CHD9: variants seen among roughly 807,000 people sequenced by gnomAD.
CHD9 encodes chromodomain helicase DNA binding protein 9, also known as ATP-dependent chromatin remodeler CHD9.
CHD9 carries 77 observed loss-of-function variants against 316.1 expected under a neutral mutation model. The ratio of observed to expected loss-of-function variants is 0.24; its 90% CI spans 0.20 to 0.29. The LOEUF is 0.29. CHD9 is among the 10% of genes least tolerant of loss of function. The probability of loss-of-function intolerance (pLI) is 1.00; values close to 1 mark genes in which losing one functional copy is unlikely to be tolerated. For missense variants in CHD9, 2,763 were observed against 3,438.1 expected, an observed-to-expected ratio of 0.80 and a Z score of 4.91; for synonymous variants, 1,129 against 1,158.3, an observed-to-expected ratio of 0.97 and a Z score of 0.51.
intron 1 of CHD9, among the ~76,000 whole-genome samples, chr16:53,089,154 C>T (rs1371234865): frequency 4.0e-5 from 6 of 151,152 alleles, no homozygotes; most frequent in Admixed American, 1.3e-4. Context: ...GCCATGGTGG[C>T]GTGCACCTGT....
chr16:53,096,491 A>G (rs1050707535), intron 1 of CHD9, among the ~76,000 whole-genome samples: 2 of 152,098 alleles, frequency 1.3e-5, no homozygotes, highest in Non-Finnish European at 2.9e-5. Context: ...TTATTCTGGA[A>G]ACTCTATAAG....
Position 53,157,243 on chromosome 16 carries a change from C to G in CHD9, c.1154C>G (p.Ser385Cys), listed in dbSNP as rs767274727. ...CATGTAGAAACTAATGGCTTTTCAT[C>G]TTTAGAAGAGAATTTACTTCATCAA... Reference protein sequence around the residue: ...NDHVETNGFSSLEENLLHQVE... With the variant: ...NDHVETNGFSCLEENLLHQVE... The change falls in exon 2 of 39, where the codon TCT (serine) becomes TGT (cysteine). Residue 385 changes from serine (S) to cysteine (C), a missense_variant. Transcript: ENST00000447540. 3.2e-5 allele frequency: 51 copies of G among 1,600,060 alleles called. No individual in the cohort carries two copies. Among genetic ancestry groups the G allele is most frequent in the Non-Finnish European group, 4.4e-5 (51 of 1,172,380 alleles).
At chr16:53,117,614 C>T (rs1376408622) in intron 1 of CHD9, among the ~76,000 whole-genome samples, 1 of 151,542 alleles carries the variant, frequency 6.6e-6, no homozygotes, top group Non-Finnish European at 1.5e-5. Flanking sequence ...AGGGGTTTCA[C>T]CATATTGGCC....
chr16:53,248,335 C>CAAA (rs11321027), intron 16 of CHD9, among the ~76,000 whole-genome samples: 1 of 116,320 alleles, frequency 8.6e-6, no homozygotes. Flanking sequence ...AACTCTGTCT[C>CAAA]AAAAAAAAAA....
intron 12 of CHD9, among the ~76,000 whole-genome samples, chr16:53,240,395 C>A (rs1312564503): frequency 1.3e-5 from 2 of 151,880 alleles, no homozygotes; most frequent in Non-Finnish European, 2.9e-5. Flanking sequence ...ATATGATAGC[C>A]AAAAACCTGG....
chr16:53,221,603 C>T (rs2047239089), intron 3 of CHD9, among the ~76,000 whole-genome samples: 3 of 151,434 alleles, frequency 2.0e-5, no homozygotes, highest in Admixed American at 2.0e-4. Context: ...ACAAAAAAAC[C>T]CACTTTCATT....
chr16:53,315,718 A>T (rs1184462794), intron 36 of CHD9, among the ~76,000 whole-genome samples: 1 of 152,086 alleles, frequency 6.6e-6, no homozygotes, highest in East Asian at 1.9e-4. Context: ...GGCCTCAAGC[A>T]ATCCGCCTGC....
chr16:53,066,462 A>G (rs1461493894), intron 1 of CHD9, among the ~76,000 whole-genome samples: 1 of 152,202 alleles, frequency 6.6e-6, no homozygotes, highest in African/African-American at 2.4e-5. Context: ...ACCCATATAG[A>G]GAAATGGACT....
chr16:53,319,799 T>G, intron 37 of CHD9: 1 of 1,252,056 alleles, frequency 8.0e-7, no homozygotes, highest in Non-Finnish European at 1.0e-6. Flanking sequence ...TTGTCTTGAG[T>G]CTCTCGGGTA....
intron 1 of CHD9, chr16:53,131,229 A>C: frequency 6.7e-6 from 1 of 148,596 alleles, no homozygotes; most frequent in African/African-American, 2.5e-5. Context: ...CGCGAGTGTC[A>C]GTCTCAGTCG....
At chr16:53,057,387 C>T (rs1228306065) in intron 1 of CHD9, among the ~76,000 whole-genome samples, 1 of 151,444 alleles carries the variant, frequency 6.6e-6, no homozygotes, top group Non-Finnish European at 1.5e-5. Context: ...GGTGCAGTGG[C>T]TCATGCCTGT....
At chr16:53,271,544 G>A (rs1157177078) in intron 22 of CHD9, among the ~76,000 whole-genome samples, 1 of 151,526 alleles carries the variant, frequency 6.6e-6, no homozygotes, top group Non-Finnish European at 1.5e-5. Flanking sequence ...ACTCCAGCCT[G>A]GCTGACAGAG....
intron 1 of CHD9, among the ~76,000 whole-genome samples, chr16:53,091,947 T>C (rs2035979350): frequency 1.3e-5 from 2 of 152,236 alleles, no homozygotes; most frequent in East Asian, 3.9e-4. Flanking sequence ...GAGCATCCCT[T>C]GAGAGCCCTT....
chr16:53,295,219 G>A (rs2054667565), intron 29 of CHD9, among the ~76,000 whole-genome samples: 1 of 152,072 alleles, frequency 6.6e-6, no homozygotes, highest in African/African-American at 2.4e-5. Flanking sequence ...CTCTGCCTCC[G>A]GGGTTCAAGC....
chr16:53,221,083 T>C lies in CHD9; in HGVS notation c.1785-1561T>C, dbSNP rs1057096819. On this transcript the variant is annotated intron_variant, in intron 3 of 38. Coordinates refer to ENST00000447540, the MANE Select transcript of CHD9 (RefSeq NM_001308319.2). ...TTTAAGGTTAGGAACTGTGTCACTA[T>C]ATTTTCAAATCCTAGAGCCTAGGAA... 2.0e-5 allele frequency among the ~76,000 whole-genome samples: 3 copies of C among 152,228 alleles called. No homozygotes were observed. The East Asian group carries it at 5.8e-4, about 29-fold the overall frequency.
chr16:53,209,684 A>G lies in CHD9; in HGVS notation c.1655A>G (p.Glu552Gly), dbSNP rs1422186680. 6.2e-7 allele frequency: 1 copy of G among 1,613,862 alleles called. No homozygotes were observed. Among genetic ancestry groups the G allele is most frequent in the East Asian group, 2.2e-5 (1 of 44,884 alleles). Reference sequence around the variant, plus strand: ...AATATTCCACGAGTAATGAGCCCTGAAAACTTTCCTACTGCTTCAGTTGAA... The same window carrying G: ...AATATTCCACGAGTAATGAGCCCTGGAAACTTTCCTACTGCTTCAGTTGAA... The part of the protein sequence containing the change: ...ERNIPRVMSP[E>G]NFPTASVEGK... The change falls in exon 3 of 39, where the codon GAA (glutamate) becomes GGA (glycine). Residue 552 changes from glutamate (E) to glycine (G), a missense_variant. Glu to Gly is a moderately conservative substitution (Grantham distance 98). Coordinates refer to ENST00000447540, the MANE Select transcript of CHD9 (RefSeq NM_001308319.2).
chr16:53,312,569 T>G (rs1326412445), intron 34 of CHD9, among the ~76,000 whole-genome samples: 1 of 152,188 alleles, frequency 6.6e-6, no homozygotes, highest in Non-Finnish European at 1.5e-5. Flanking sequence ...TGCTAGTGTG[T>G]AAATTCTTAC....
At chr16:53,076,669 G>T (rs1439569809) in intron 1 of CHD9, among the ~76,000 whole-genome samples, 1 of 151,702 alleles carries the variant, frequency 6.6e-6, no homozygotes, top group Non-Finnish European at 1.5e-5. Flanking sequence ...AGCTACTTGG[G>T]AGGCTAAGAC....
At chr16:53,162,459 C>G (rs911136691) in intron 2 of CHD9, among the ~76,000 whole-genome samples, 2 of 152,020 alleles carry the variant, frequency 1.3e-5, no homozygotes, top group Non-Finnish European at 2.9e-5. Flanking sequence ...ATAGCAGAAT[C>G]TTTAGTTTTT....
Sources: allele counts gnomAD v4.1 joint callset (sites outside exome capture counted in the v4.1 genomes callset), GRCh38; gene constraint gnomAD v4.1.1; transcripts MANE v1.5; gene names NCBI Gene and HGNC (gene_info 2026-07-23, HGNC 2026-07-21).